PLEKHG1: variants seen among roughly 807,000 people sequenced by gnomAD.
The protein encoded by PLEKHG1 is pleckstrin homology and RhoGEF domain containing G1.
A neutral mutation model predicts 100.8 loss-of-function variants in PLEKHG1; 44 were observed. The observed-to-expected ratio is 0.44, with a 90% CI of 0.34 to 0.56. The LOEUF is 0.56. PLEKHG1 is among the 20% of genes least tolerant of loss of function. PLEKHG1 has a pLI of 0.01. For synonymous variants in PLEKHG1, 640 were observed against 662.5 expected, an observed-to-expected ratio of 0.97 and a Z score of 0.52; for missense variants, 1,545 against 1,720.9, an observed-to-expected ratio of 0.90 and a Z score of 1.81.
chr6:150,716,256 G>C (rs1781436554), upstream of PLEKHG1, among the ~76,000 whole-genome samples: 1 of 152,138 alleles, frequency 6.6e-6, no homozygotes, highest in South Asian at 2.1e-4. Flanking sequence ...CATGAAAAAT[G>C]TTCCACAATG....
intron 1 of PLEKHG1, among the ~76,000 whole-genome samples, chr6:150,603,292 A>G (rs1024133685): frequency 3.7e-4 from 56 of 152,174 alleles, no homozygotes; most frequent in Admixed American, 2.5e-3. Flanking sequence ...GGCTTGCATC[A>G]ATCTTGCTTG....
intron 3 of PLEKHG1, among the ~76,000 whole-genome samples, chr6:150,662,208 C>T (rs1330920512): frequency 6.6e-6 from 1 of 152,182 alleles, no homozygotes; most frequent in African/African-American, 2.4e-5. Flanking sequence ...AGTATGGTTT[C>T]CTTCTGGTGT....
chr6:150,840,587 C>T, exon 16 of PLEKHG1: 1 of 1,614,134 alleles, frequency 6.2e-7, no homozygotes, highest in Non-Finnish European at 8.5e-7. Flanking sequence ...ATGTGGAAAT[C>T]AAGTCAGAAG....
chr6:150,811,211 A>G (rs1034262022), intron 10 of PLEKHG1, among the ~76,000 whole-genome samples: 2 of 152,034 alleles, frequency 1.3e-5, no homozygotes, highest in African/African-American at 2.4e-5. Context: ...AAAGTGTTCA[A>G]TTGCGTTGAG....
intron 3 of PLEKHG1, among the ~76,000 whole-genome samples, chr6:150,689,689 C>T (rs949692191): frequency 6.6e-6 from 1 of 151,862 alleles, no homozygotes; most frequent in Non-Finnish European, 1.5e-5. Flanking sequence ...ATGGTGGTCT[C>T]TACTAAATGC....
intron 3 of PLEKHG1, among the ~76,000 whole-genome samples, chr6:150,696,558 C>T (rs933878712): frequency 1.3e-5 from 2 of 152,122 alleles, no homozygotes; most frequent in South Asian, 2.1e-4. Flanking sequence ...TCTTCAGCCC[C>T]GTTAATCTGA....
intron 2 of PLEKHG1, among the ~76,000 whole-genome samples, chr6:150,649,878 G>A (rs1778648704): frequency 6.6e-6 from 1 of 152,150 alleles, no homozygotes. Flanking sequence ...CGGGCGTGGC[G>A]GCGTGTGCCT....
At chr6:150,741,229 T>C (rs911749546) in intron 2 of PLEKHG1, among the ~76,000 whole-genome samples, 1 of 152,136 alleles carries the variant, frequency 6.6e-6, no homozygotes, top group Non-Finnish European at 1.5e-5. Flanking sequence ...CAGCATTCGG[T>C]GAGAGCAAAA....
chr6:150,684,206 G>C (rs1780033997), intron 3 of PLEKHG1, among the ~76,000 whole-genome samples: 1 of 152,192 alleles, frequency 6.6e-6, no homozygotes, highest in African/African-American at 2.4e-5. Flanking sequence ...AGGCTCCCTG[G>C]CACTATCTTA....
chr6:150,787,445 T>C (rs1785692833), intron 4 of PLEKHG1, among the ~76,000 whole-genome samples: 1 of 152,258 alleles, frequency 6.6e-6, no homozygotes, highest in Non-Finnish European at 1.5e-5. Context: ...GATTTCTGTC[T>C]TGTTTAAATT....
chr6:150,822,209 C>T (rs1166396010), intron 13 of PLEKHG1, among the ~76,000 whole-genome samples: 2 of 112,842 alleles, frequency 1.8e-5, no homozygotes, highest in East Asian at 2.7e-4. Context: ...AACACACAAA[C>T]TGGCAATAAA....
At chr6:150,744,665 G>A (rs1429859792) in intron 2 of PLEKHG1, among the ~76,000 whole-genome samples, 2 of 152,154 alleles carry the variant, frequency 1.3e-5, no homozygotes, top group South Asian at 2.1e-4. Context: ...TGGCCATAGT[G>A]TAATCACTTC....
chr6:150,624,417 C>T (rs1333562274), intron 1 of PLEKHG1, among the ~76,000 whole-genome samples: 1 of 152,206 alleles, frequency 6.6e-6, no homozygotes, highest in Admixed American at 6.5e-5. Flanking sequence ...GACTCTTACT[C>T]TTCATGAGTA....
chr6:150,676,426 G>C (rs1779760212), intron 3 of PLEKHG1, among the ~76,000 whole-genome samples: 1 of 152,242 alleles, frequency 6.6e-6, no homozygotes, highest in African/African-American at 2.4e-5. Context: ...ACAAGGGACA[G>C]GTTGTGGAGA....
intron 3 of PLEKHG1, among the ~76,000 whole-genome samples, chr6:150,769,054 A>G (rs79602518): frequency 0.028 from 4,317 of 152,258 alleles, 67 homozygotes; most frequent in South Asian, 0.061. Flanking sequence ...AGTCTCCAGG[A>G]TCCCCAGCTA....
intron 3 of PLEKHG1, among the ~76,000 whole-genome samples, chr6:150,688,523 T>C (rs1268125897): frequency 1.3e-5 from 2 of 152,120 alleles, no homozygotes; most frequent in African/African-American, 4.8e-5. Context: ...GGCTTCACCA[T>C]ATTGGCCAGG....
chr6:150,832,699 T>TG (rs33937886), intron 15 of PLEKHG1, among the ~76,000 whole-genome samples: 14 of 150,104 alleles, frequency 9.3e-5, no homozygotes, highest in Non-Finnish European at 1.6e-4. Context: ...TTTTTTTTTT[T>TG]GAGACAGGAT....
chr6:150,761,099 CTTTTT>C (rs35068801), intron 2 of PLEKHG1, among the ~76,000 whole-genome samples: 5,178 of 95,840 alleles, frequency 0.054, 91 homozygotes, highest in East Asian at 0.22. Flanking sequence ...TTCTTTTTTT[CTTTTT>C]TTTTTTTTTT....
chr6:150,785,134 A>C (rs1785545829), intron 3 of PLEKHG1, among the ~76,000 whole-genome samples: 1 of 152,338 alleles, frequency 6.6e-6, no homozygotes, highest in Non-Finnish European at 1.5e-5. Context: ...AAAGTTGAAA[A>C]ATAATGAAAA....
Sources: gnomAD v4.1 joint callset for allele counts (sites outside exome capture counted in the v4.1 genomes callset) on GRCh38, gnomAD v4.1.1 for gene constraint, MANE v1.5 for transcripts, NCBI Gene and HGNC (gene_info 2026-07-23, HGNC 2026-07-21) for gene names.